The following TP63 variants were observed in gnomAD, a reference collection of about 807,000 sequenced individuals.
TP63 encodes tumor protein 63.
In TP63, 17 loss-of-function variants were observed where a neutral mutation model predicts 82.8. The observed-to-expected ratio is 0.21, with a 90% CI of 0.14 to 0.31. The LOEUF is 0.31. Ranked by LOEUF, TP63 falls within the 10% of genes least tolerant of loss-of-function variation. The pLI is 1.00. For synonymous variants in TP63, 330 were observed against 321.7 expected, an observed-to-expected ratio of 1.03 and a Z score of -0.28; for missense variants, 648 against 895.3, an observed-to-expected ratio of 0.72 and a Z score of 3.52.
At chr3:189,860,633 G>A (rs892978899) in intron 4 of TP63, among the ~76,000 whole-genome samples, 8 of 152,174 alleles carry the variant, frequency 5.3e-5, no homozygotes, top group Non-Finnish European at 1.2e-4. Flanking sequence ...TAAACATAAT[G>A]CATCTTGGCT....
chr3:189,789,679 G>T, intron 3 of TP63: 1 of 1,457,700 alleles, frequency 6.9e-7, no homozygotes, highest in Non-Finnish European at 9.0e-7. Context: ...AAGAGAGAGA[G>T]GGACTTGAGT....
At chr3:189,666,590 G>A (rs889391318) in intron 1 of TP63, among the ~76,000 whole-genome samples, 2 of 152,026 alleles carry the variant, frequency 1.3e-5, no homozygotes, top group African/African-American at 4.8e-5. Flanking sequence ...AGAAGAGACA[G>A]ATGAATATTA....
intron 3 of TP63, among the ~76,000 whole-genome samples, chr3:189,772,960 A>T (rs1446289875): frequency 6.6e-6 from 1 of 152,220 alleles, no homozygotes; most frequent in Non-Finnish European, 1.5e-5. Flanking sequence ...TTAAACATCA[A>T]GGTCCCTTAG....
chr3:189,627,264 C>T (rs889214960), upstream of TP63, among the ~76,000 whole-genome samples: 1 of 152,182 alleles, frequency 6.6e-6, no homozygotes, highest in Non-Finnish European at 1.5e-5. Flanking sequence ...GTTTGTTGGA[C>T]TTCTGGCCAT....
chr3:189,875,607 T>TATATATATATATACACACAC (rs1553859627), intron 10 of TP63, among the ~76,000 whole-genome samples: 1 of 56,106 alleles, frequency 1.8e-5, no homozygotes, highest in Admixed American at 1.7e-4. Context: ...TATATATATA[T>TATATATATATATACACACAC]ATATATATAT....
chr3:189,627,144 T>A (rs1729337139), upstream of TP63, among the ~76,000 whole-genome samples: 1 of 152,128 alleles, frequency 6.6e-6, no homozygotes, highest in Non-Finnish European at 1.5e-5. Flanking sequence ...ACATTTGCTC[T>A]CTCCTTCAGA....
At chr3:189,882,502 G>A (rs573972821) in intron 10 of TP63, among the ~76,000 whole-genome samples, 177 of 150,406 alleles carry the variant, frequency 1.2e-3, no homozygotes, top group African/African-American at 4.1e-3. Flanking sequence ...TCATAACAAG[G>A]ATGCTCTGCT....
At chr3:189,659,257 T>C (rs905169248) in intron 1 of TP63, among the ~76,000 whole-genome samples, 6 of 151,964 alleles carry the variant, frequency 3.9e-5, no homozygotes, top group Admixed American at 3.9e-4. Context: ...GCCATCTTTA[T>C]GTCCCCGTAT....
At chr3:189,602,686 G>T in the TP63 span, among the ~76,000 whole-genome samples, 2 of 152,160 alleles carry the variant, frequency 1.3e-5, no homozygotes, top group African/African-American at 4.8e-5. Flanking sequence ...TCTTTGGGCT[G>T]CAGGGAATGG....
At chr3:189,775,134 C>T (rs1723681871) in intron 3 of TP63, among the ~76,000 whole-genome samples, 2 of 146,888 alleles carry the variant, frequency 1.4e-5, no homozygotes, top group South Asian at 4.3e-4. Context: ...GCAGGAGAAT[C>T]GCTGGAACCT....
At chr3:189,808,570 G>A in intron 4 of TP63, 44 bp downstream of exon 4, 1 of 1,609,942 alleles carries the variant, frequency 6.2e-7, no homozygotes, top group Non-Finnish European at 8.5e-7. Flanking sequence ...CCAAGTCCAA[G>A]GATGGGCTTC....
chr3:189,681,236 T>C (rs1050320509), intron 1 of TP63, among the ~76,000 whole-genome samples: 5 of 152,066 alleles, frequency 3.3e-5, no homozygotes, highest in African/African-American at 1.2e-4. Context: ...CTATAATCTT[T>C]CACCTGGTTT....
chr3:189,784,131 C>G (rs1724422974), intron 3 of TP63, among the ~76,000 whole-genome samples: 1 of 151,920 alleles, frequency 6.6e-6, no homozygotes, highest in South Asian at 2.1e-4. Flanking sequence ...CTAAATTTCA[C>G]ACTATTTTTG....
rs1290823439 is a variant in TP63 at position 189,666,286 on chromosome 3, C to A, written c.62+34709C>A. Among the ~76,000 whole-genome samples, 4 of 151,916 alleles carry A rather than the reference C, an allele frequency of 2.6e-5. No homozygotes were observed. In the East Asian group the frequency reaches 7.7e-4, roughly 29 times the overall value. On this transcript the variant is annotated intron_variant, in intron 1 of 13. Coordinates refer to ENST00000264731, the MANE Select transcript of TP63 (RefSeq NM_003722.5). ...GATTTTATGCTTTTAAAAATGTGACCCTTTAACAGAGAAACTCCACTTAGG... is the reference window on the plus strand; with the variant it reads ...GATTTTATGCTTTTAAAAATGTGACACTTTAACAGAGAAACTCCACTTAGG...
chr3:189,757,988 G>A (rs547565540), intron 3 of TP63, among the ~76,000 whole-genome samples: 1 of 152,140 alleles, frequency 6.6e-6, no homozygotes, highest in Admixed American at 6.5e-5. Flanking sequence ...ACTAGTATAT[G>A]ACCTTCTAGG....
intron 4 of TP63, among the ~76,000 whole-genome samples, chr3:189,843,498 G>T (rs993885614): frequency 2.0e-5 from 3 of 152,206 alleles, no homozygotes; most frequent in East Asian, 3.9e-4. Flanking sequence ...TTAAAAAAAT[G>T]ATCAAGAGCA....
the TP63 span, among the ~76,000 whole-genome samples, chr3:189,600,095 T>C: frequency 6.6e-6 from 1 of 152,116 alleles, no homozygotes; most frequent in African/African-American, 2.4e-5. Flanking sequence ...TCTTGTCTGA[T>C]AATTAAACCA....
At chr3:189,664,582 A>C (rs796526238) in intron 1 of TP63, among the ~76,000 whole-genome samples, 3 of 152,258 alleles carry the variant, frequency 2.0e-5, no homozygotes, top group African/African-American at 7.2e-5. Context: ...AGTTGATTCA[A>C]GATGTCATTT....
intron 1 of TP63, among the ~76,000 whole-genome samples, chr3:189,701,674 A>C (rs1717820852): frequency 6.6e-6 from 1 of 151,846 alleles, no homozygotes; most frequent in Non-Finnish European, 1.5e-5. Context: ...AAGTTCAAAA[A>C]TTCACATGGT....
Sources: allele counts gnomAD v4.1 joint callset (sites outside exome capture counted in the v4.1 genomes callset), GRCh38; gene constraint gnomAD v4.1.1; transcripts MANE v1.5; gene names NCBI Gene and HGNC (gene_info 2026-07-23, HGNC 2026-07-21).